PODN: variants seen among roughly 807,000 people sequenced by gnomAD.
The protein encoded by PODN is podocan proteoglycan.
PODN carries 40 observed loss-of-function variants against 52.7 expected under a neutral mutation model. The ratio of observed to expected loss-of-function variants is 0.76; its 90% confidence interval spans 0.59 to 0.99. The LOEUF is 0.99. Ranked by LOEUF, PODN falls within the 50% of genes least tolerant of loss-of-function variation. The pLI, the probability that PODN is intolerant of heterozygous loss-of-function variation, is 0.00. For missense variants in PODN, 720 were observed against 815.1 expected, an observed-to-expected ratio of 0.88 and a Z score of 1.42; for synonymous variants, 396 against 377.9, an observed-to-expected ratio of 1.05 and a Z score of -0.56.
At chr1:53,067,252 C>A (rs2150292623) in intron 1 of PODN, among the ~76,000 whole-genome samples, 1 of 152,174 alleles carries the variant, frequency 6.6e-6, no homozygotes, top group East Asian at 1.9e-4. Flanking sequence ...CTCCATCAAC[C>A]ATGTGGATCT....
chr1:53,080,843 A>G lies in PODN; in HGVS notation c.1628A>G (p.Asp543Gly). ...AGTGCGGTGCCCGCCAATGCCTTCG[A>G]CTCCACGCCCAACCTCAAGGGGATC... Reference protein sequence around the residue: ...KISAVPANAFDSTPNLKGIFL... With the variant: ...KISAVPANAFGSTPNLKGIFL... Residue 543 changes from aspartate (D) to glycine (G), a missense_variant, in exon 9 of 11, where the codon GAC becomes GGC. Transcript: ENST00000312553. 1.2e-6 allele frequency: 2 copies of G among 1,613,174 alleles called. No individual in the cohort carries two copies. The highest frequency in any genetic ancestry group is 1.7e-6 in the Non-Finnish European group (2 of 1,179,748).
Position 53,080,764 on chromosome 1 carries a change from C to A in PODN, c.1549C>A (p.Pro517Thr). Reference protein sequence around the residue: ...DIAGNQLTEIPEGLPESLEYL... With the variant: ...DIAGNQLTEITEGLPESLEYL... ...CGCCGGGAATCAGCTCACAGAGATC[C>A]CCGAGGGGCTCCCCGAGTCACTTGA... The change falls in exon 9 of 11, where the codon CCC becomes ACC. Residue 517 changes from proline to threonine, a missense_variant. Physicochemically the swap from Pro to Thr is conservative, Grantham distance 38. Coordinates refer to ENST00000312553, the MANE Select transcript of PODN (RefSeq NM_153703.5). 1.9e-6 allele frequency: 3 copies of A among 1,614,122 alleles called. No individual in the cohort carries two copies. The highest frequency in any genetic ancestry group is 1.7e-6 in the Non-Finnish European group (2 of 1,180,018).
intron 6 of PODN, 90 bp downstream of exon 6, chr1:53,077,436 A>C: frequency 2.6e-6 from 4 of 1,533,080 alleles, no homozygotes; most frequent in Non-Finnish European, 3.5e-6. Context: ...TCAGGCCCAC[A>C]TGGCCACAGG....
At chr1:53,075,121 T>C (rs1284445784) in intron 4 of PODN, among the ~76,000 whole-genome samples, 1 of 152,204 alleles carries the variant, frequency 6.6e-6, no homozygotes, top group Non-Finnish European at 1.5e-5. Flanking sequence ...CTTCTCTCTC[T>C]GAACTCTCTG....
intron 6 of PODN, 108 bp from the exon 7 acceptor site, chr1:53,077,577 G>A (rs1644214079): frequency 8.2e-7 from 1 of 1,226,154 alleles, no homozygotes; most frequent in Non-Finnish European, 1.1e-6. Context: ...TTCAGGTCTG[G>A]GTGCCTTCCT....
intron 3 of PODN, among the ~76,000 whole-genome samples, chr1:53,072,438 G>T (rs1252441997): frequency 6.6e-6 from 1 of 152,132 alleles, no homozygotes; most frequent in Non-Finnish European, 1.5e-5. Context: ...ATGCACTTTT[G>T]GACAGAGTTC....
At chr1:53,063,794 G>A (rs527965017) in intron 1 of PODN, among the ~76,000 whole-genome samples, 1 of 152,246 alleles carries the variant, frequency 6.6e-6, no homozygotes, top group East Asian at 1.9e-4. Flanking sequence ...GCACTTTTAG[G>A]CTTGGTGTAG....
At position 53,065,995 on chromosome 1, in the gene PODN, C is replaced by CTTTTTT. The variant is rs780284767; in HGVS notation, c.-56+3702_-56+3707dup. On this transcript the variant is annotated intron_variant, in intron 1 of 10. Coordinates refer to ENST00000312553, the MANE Select transcript of PODN (RefSeq NM_153703.5). ...ATGCAATGCAAAATTTTCTAGAGGT[C>CTTTTTT]TTTTTTTTTTTTTTTTTTTTGAGAC... 1.2e-3 allele frequency among the ~76,000 whole-genome samples: 136 copies of CTTTTTT among 115,270 alleles called. 1 individual carries two copies. Among genetic ancestry groups the CTTTTTT allele is most frequent in the African/African-American group, 3.5e-3 (95 of 27,050 alleles). 75.6% of individuals were successfully genotyped at this position (115,270 alleles called of 152,430 possible).
At chr1:53,074,702 T>A in intron 4 of PODN, 32 bp downstream of exon 4, 1 of 1,603,928 alleles carries the variant, frequency 6.2e-7, no homozygotes, top group East Asian at 2.2e-5. Context: ...GGGGGGTTGC[T>A]GCCCTGTCCT....
At chr1:53,065,628 T>A (rs1644021103) in intron 1 of PODN, among the ~76,000 whole-genome samples, 1 of 152,202 alleles carries the variant, frequency 6.6e-6, no homozygotes, top group Non-Finnish European at 1.5e-5. Flanking sequence ...CCCACAAACC[T>A]GCCTGTGTCA....
In PODN at chr1:53,069,871, G is replaced by GTGCTGC; in HGVS notation, c.21_26dup (p.Leu12_Leu13dup). 6.4e-7 allele frequency: 1 copy of GTGCTGC among 1,569,078 alleles called. No homozygotes were observed. The highest frequency in any genetic ancestry group is 8.6e-7 in the Non-Finnish European group (1 of 1,157,656). ...TGCAGGCACCATGGCCCAGAGCCGG[G>GTGCTGC]TGCTGCTGCTCCTGCTGCTGCTGCC... is the stretch of plus-strand genomic sequence containing the variant. On this transcript the variant is annotated inframe_insertion, in exon 2 of 11. Transcript: ENST00000312553.
chr1:53,077,482 G>A, intron 6 of PODN, 136 bp downstream of exon 6: 2 of 1,363,282 alleles, frequency 1.5e-6, no homozygotes, highest in Non-Finnish European at 2.0e-6. Flanking sequence ...TGACAGCAAG[G>A]AGTCTACTGT....
At chr1:53,071,453 C>A in intron 2 of PODN, 82 bp from the exon 3 acceptor site, 1 of 1,177,518 alleles carries the variant, frequency 8.5e-7, no homozygotes, top group Non-Finnish European at 1.2e-6. Context: ...GATTCTAGGA[C>A]TGGAGCTATG....
At chr1:53,080,105 A>G (rs955283216) in intron 8 of PODN, among the ~76,000 whole-genome samples, 3 of 151,976 alleles carry the variant, frequency 2.0e-5, no homozygotes, top group African/African-American at 7.3e-5. Context: ...CCCTGTGGGA[A>G]CCCACTTTCC....
chr1:53,080,158 C>T (rs1224049349), intron 8 of PODN, among the ~76,000 whole-genome samples: 2 of 152,202 alleles, frequency 1.3e-5, no homozygotes, highest in Admixed American at 1.3e-4. Context: ...TGATCTGAGA[C>T]AGAATGGCCT....
chr1:53,064,509 G>C (rs938278490), intron 1 of PODN, among the ~76,000 whole-genome samples: 1 of 152,244 alleles, frequency 6.6e-6, no homozygotes, highest in Non-Finnish European at 1.5e-5. Flanking sequence ...CAGGTGGTCA[G>C]TTGATTTGTA....
chr1:53,068,185 T>A (rs530717542), intron 1 of PODN, among the ~76,000 whole-genome samples: 1 of 152,326 alleles, frequency 6.6e-6, no homozygotes, highest in East Asian at 1.9e-4. Context: ...GAGGTTTAGA[T>A]GATTGTAGTC....
intron 1 of PODN, chr1:53,066,963 C>A: frequency 7.9e-7 from 1 of 1,265,382 alleles, no homozygotes; most frequent in South Asian, 1.3e-5. Context: ...GGCCTGTGCC[C>A]ACACTCTCGC....
At chr1:53,074,261 G>C (rs890563361) in intron 3 of PODN, among the ~76,000 whole-genome samples, 1 of 152,266 alleles carries the variant, frequency 6.6e-6, no homozygotes, top group Non-Finnish European at 1.5e-5. Context: ...TGTGGATGGG[G>C]CTGTGACCTT....
Sources: gnomAD v4.1 joint callset for allele counts (sites outside exome capture counted in the v4.1 genomes callset) on GRCh38, gnomAD v4.1.1 for gene constraint, MANE v1.5 for transcripts, NCBI Gene and HGNC (gene_info 2026-07-23, HGNC 2026-07-21) for gene names.